KDM4B: variants seen among roughly 807,000 people sequenced by gnomAD.
KDM4B encodes the protein lysine-specific demethylase 4B.
In KDM4B, 32 loss-of-function variants were observed where a neutral mutation model predicts 125.2. That is an observed-to-expected ratio of 0.26 (90% CI 0.19 to 0.34). The LOEUF (loss-of-function observed/expected upper bound fraction) is 0.34. Among genes scored for constraint, KDM4B ranks in the 10% least tolerant of loss-of-function variants. The pLI is 1.00. For missense variants in KDM4B, 1,190 were observed against 1,577.7 expected, an observed-to-expected ratio of 0.75 and a Z score of 4.16; for synonymous variants, 721 against 677.9, an observed-to-expected ratio of 1.06 and a Z score of -0.99.
intron 7 of KDM4B, chr19:5,075,586 T>G (rs556375957): frequency 1.3e-5 from 2 of 152,314 alleles, no homozygotes; most frequent in South Asian, 2.1e-4. Flanking sequence ...GTGCTGAGAT[T>G]CCCTGTGTGA....
chr19:5,019,634 A>C (rs1242871676), intron 2 of KDM4B, among the ~76,000 whole-genome samples: 3 of 118,254 alleles, frequency 2.5e-5, no homozygotes, highest in Non-Finnish European at 5.1e-5. Flanking sequence ...GTTGGTGTAC[A>C]GGTGTTTGTG....
intron 1 of KDM4B, among the ~76,000 whole-genome samples, chr19:4,996,356 C>A (rs901044280): frequency 7.9e-5 from 12 of 152,100 alleles, no homozygotes; most frequent in African/African-American, 2.9e-4. Context: ...GGTGGGGTTG[C>A]TCAGAGTGTG....
At position 5,129,418 on chromosome 19, in the gene KDM4B, G is replaced by A. The variant is rs188381571; in HGVS notation, c.1316-1658G>A. ...CGCTTACCACTGGTCCTGGCATCAC[G>A]GACTGTGGAGCTGGGGGCAGCCCGT... On this transcript the variant is annotated intron_variant, in intron 11 of 22. Transcript: ENST00000159111. 3.2e-4 allele frequency among the ~76,000 whole-genome samples: 49 copies of A among 152,308 alleles called. No individual in the cohort carries two copies. The East Asian group carries it at 7.3e-3, about 23-fold the overall frequency.
chr19:4,995,643 C>T (rs2035175954), intron 1 of KDM4B, among the ~76,000 whole-genome samples: 1 of 152,178 alleles, frequency 6.6e-6, no homozygotes, highest in South Asian at 2.1e-4. Context: ...GATGATCATT[C>T]AACCCCAGGA....
In KDM4B at chr19:5,081,855, G is replaced by A. The variant is rs940645266; in HGVS notation, c.781-512G>A. On this transcript the variant is annotated intron_variant, in intron 8 of 22. Coordinates refer to ENST00000159111, the MANE Select transcript of KDM4B (RefSeq NM_015015.3). This position sits in a 1 kb window ranked among gnomAD's most constrained non-coding sequence, Gnocchi z 4.2. Reference sequence around the variant, plus strand: ...AGGGCAGAAGGTGTCCTGAGCGCGTGCAGTGTCTTGTCTTCAGAGCACTCT... The same window carrying A: ...AGGGCAGAAGGTGTCCTGAGCGCGTACAGTGTCTTGTCTTCAGAGCACTCT... Among the ~76,000 whole-genome samples the A allele has an allele frequency of 9.9e-5, 15 of 152,182 alleles. No homozygotes were observed. Among genetic ancestry groups the A allele is most frequent in the African/African-American group, 3.6e-4 (15 of 41,446 alleles).
At chr19:5,131,012 G>A (rs561397304) in intron 11 of KDM4B, 64 bp from the exon 12 acceptor site, 2 of 1,226,412 alleles carry the variant, frequency 1.6e-6, no homozygotes, top group East Asian at 5.1e-5. Context: ...GGATTTCTGG[G>A]GAGCGTGGGA....
At chr19:5,091,573 T>A (rs2038705610) in intron 9 of KDM4B, among the ~76,000 whole-genome samples, 1 of 152,124 alleles carries the variant, frequency 6.6e-6, no homozygotes, top group South Asian at 2.1e-4. Context: ...AGGCCTCTCC[T>A]AAAACCCCAG....
rs2145999931 is a variant in KDM4B at position 5,115,029 on chromosome 19, G to T, written c.1115+4211G>T. Among the ~76,000 whole-genome samples the T allele has an allele frequency of 6.6e-6, 1 of 152,370 alleles. No individual in the cohort carries two copies. Among genetic ancestry groups the T allele is most frequent in the South Asian group, 2.1e-4 (1 of 4,828 alleles). On this transcript the variant is annotated intron_variant, in intron 10 of 22. Transcript: ENST00000159111. The surrounding 1 kb of genome is among the most constrained non-coding windows in gnomAD (Gnocchi z 4.2). ...CTGAAACACCAGAGAGTGAAGTGCA[G>T]AGAACGGGAGAGGGGGCAGTGGCAG...
Position 5,135,431 on chromosome 19 carries a change from G to T in KDM4B, c.2178G>T (p.Pro726=). ...LPSKSRQKTR[P]LIPEMCFTSG... ...CCAAAAGCCGTCAGAAGACCCGACCGCTCATCCCTGAGATGTGCTTCACCT... is the reference window on the plus strand; with the variant it reads ...CCAAAAGCCGTCAGAAGACCCGACCTCTCATCCCTGAGATGTGCTTCACCT... The change falls in exon 15 of 23, where the codon CCG becomes CCT. Residue 726 remains proline, a synonymous_variant. Coordinates refer to ENST00000159111, the MANE Select transcript of KDM4B (RefSeq NM_015015.3). 6.2e-7 allele frequency: 1 copy of T among 1,613,596 alleles called. No homozygotes were observed. Among genetic ancestry groups the T allele is most frequent in the African/African-American group, 1.3e-5 (1 of 75,056 alleles).
chr19:5,115,226 C>A lies in KDM4B; in HGVS notation c.1115+4408C>A, dbSNP rs1173352657. On this transcript the variant is annotated intron_variant, in intron 10 of 22. Transcript: ENST00000159111. The surrounding 1 kb of genome is among the most constrained non-coding windows in gnomAD (Gnocchi z 4.2). ...GGAGGGCTGCAGGGGGAATGTACCA[C>A]GGGGCCTCAGAAAGACACAGCGGGC... 2.0e-5 allele frequency among the ~76,000 whole-genome samples: 3 copies of A among 151,830 alleles called. No individual in the cohort carries two copies. The highest frequency in any genetic ancestry group is 4.4e-5 in the Non-Finnish European group (3 of 67,950).
chr19:5,044,150 G>T (rs1447305796), intron 5 of KDM4B, among the ~76,000 whole-genome samples: 2 of 94,702 alleles, frequency 2.1e-5, no homozygotes, highest in Admixed American at 1.0e-4. Context: ...CTTATCCCAC[G>T]CGGTGTTTAT....
In KDM4B at chr19:5,105,589, C is replaced by T. The variant is rs761669473; in HGVS notation, c.919-5033C>T. ...CTAAGACAGTAGGCGTGCACCACCA[C>T]ACTCACCTAATTTTAAAAATAAATT... is the stretch of plus-strand genomic sequence containing the variant. On this transcript the variant is annotated intron_variant, in intron 9 of 22. Transcript: ENST00000159111. Among the ~76,000 whole-genome samples, 150 of 152,278 alleles carry T rather than the reference C, an allele frequency of 9.9e-4. 1 individual carries two copies. Among genetic ancestry groups the T allele is most frequent in the Non-Finnish European group, 8.8e-4 (60 of 68,016 alleles).
chr19:5,140,464 G>C (rs2074387001), intron 18 of KDM4B: 1 of 152,366 alleles, frequency 6.6e-6, no homozygotes, highest in African/African-American at 2.4e-5. Context: ...GGCCAGGCCT[G>C]GTGGCTCATG....
At chr19:4,970,359 G>T (rs1339441118) in intron 1 of KDM4B, among the ~76,000 whole-genome samples, 1 of 152,236 alleles carries the variant, frequency 6.6e-6, no homozygotes, top group Non-Finnish European at 1.5e-5. Context: ...GTTCAGCTCC[G>T]TGGAGCCTAG....
At chr19:5,092,020 T>C (rs1040393480) in intron 9 of KDM4B, among the ~76,000 whole-genome samples, 3 of 151,848 alleles carry the variant, frequency 2.0e-5, no homozygotes, top group Non-Finnish European at 2.9e-5. Flanking sequence ...GCTTAGGGGG[T>C]GTCACAGTCA....
rs1480851727 is a variant in KDM4B at position 5,081,552 on chromosome 19, C to T, written c.781-815C>T. On this transcript the variant is annotated intron_variant, in intron 8 of 22. Transcript: ENST00000159111. The surrounding 1 kb of genome is among the most constrained non-coding windows in gnomAD (Gnocchi z 4.2). ...GGCCCCACCCCAGCCACGCACGCCT[C>T]GGCTCCTCAGTTTAGGGGGTCCTGC... Among the ~76,000 whole-genome samples the T allele has an allele frequency of 5.9e-5, 9 of 152,136 alleles. No individual in the cohort carries two copies. The highest frequency in any genetic ancestry group is 5.2e-4 in the Admixed American group (8 of 15,286).
In KDM4B at chr19:5,082,426, C is replaced by T. The variant is rs745374168; in HGVS notation, c.840C>T (p.Phe280=). 46 of 1,613,644 alleles carry T rather than the reference C, an allele frequency of 2.9e-5. No homozygotes were observed. The highest frequency in any genetic ancestry group is 1.5e-4 in the Admixed American group (9 of 59,998). Residue 280 remains phenylalanine (F), a synonymous_variant, in exon 9 of 23, where the codon TTC becomes TTT. Coordinates refer to ENST00000159111, the MANE Select transcript of KDM4B (RefSeq NM_015015.3). The surrounding 1 kb of genome is among the most constrained non-coding windows in gnomAD (Gnocchi z 5.4). The stretch of plus-strand genomic sequence containing the variant: ...TTCCCTACGGCTACCACGCCGGCTT[C>T]AATCACGGGTTCAACTGCGCAGAAT... ...ITFPYGYHAG[F]NHGFNCAEST... is the part of the protein sequence containing the mutation.
intron 11 of KDM4B, among the ~76,000 whole-genome samples, chr19:5,128,049 A>G (rs533781065): frequency 1.3e-5 from 2 of 149,060 alleles, no homozygotes; most frequent in East Asian, 2.0e-4. Context: ...AGGACAGCCC[A>G]GCTCTGTGTC....
intron 11 of KDM4B, among the ~76,000 whole-genome samples, chr19:5,130,778 G>C (rs952132572): frequency 1.3e-5 from 2 of 152,232 alleles, no homozygotes; most frequent in Non-Finnish European, 2.9e-5. Context: ...CACCTCCCGT[G>C]ACCCCAGAAG....
Sources: allele counts gnomAD v4.1 joint callset (sites outside exome capture counted in the v4.1 genomes callset), GRCh38; gene constraint gnomAD v4.1.1; non-coding constraint Gnocchi (gnomAD v3.1); transcripts MANE v1.5; gene names NCBI Gene and HGNC (gene_info 2026-07-23, HGNC 2026-07-21).